RBPJ: variants seen among roughly 807,000 people sequenced by gnomAD.
The protein encoded by RBPJ is recombining binding protein suppressor of hairless.
RBPJ carries 9 observed loss-of-function variants against 67.8 expected under a neutral mutation model. The ratio of observed to expected loss-of-function variants is 0.13; its 90% CI spans 0.08 to 0.23. RBPJ has a LOEUF of 0.23. Among genes scored for constraint, RBPJ ranks in the 10% least tolerant of loss-of-function variants. RBPJ has a pLI of 1.00. For missense variants in RBPJ, 305 were observed against 595.6 expected (o/e 0.51, Z 5.08); for synonymous variants, 198 against 203.3 (o/e 0.97, Z 0.22).
chr4:26,259,023 C>G (rs984400793), intron 1 of RBPJ, among the ~76,000 whole-genome samples: 1 of 152,016 alleles, frequency 6.6e-6, no homozygotes, highest in African/African-American at 2.4e-5. Context: ...AGGATAGTCT[C>G]AACCTCCTGA....
At chr4:26,209,098 A>ATATATATAT (rs60595455) in intron 1 of RBPJ, among the ~76,000 whole-genome samples, 23 of 146,958 alleles carry the variant, frequency 1.6e-4, no homozygotes, top group African/African-American at 5.0e-4. Context: ...GAAGAAAAAA[A>ATATATATAT]ATATATATAT....
At chr4:26,320,587 A>C, upstream of RBPJ, 1 of 688,938 alleles carries the variant, frequency 1.5e-6, no homozygotes, top group African/African-American at 1.8e-5. Context: ...TGTTTCATCT[A>C]GGCCTGTGAA....
intron 1 of RBPJ, among the ~76,000 whole-genome samples, chr4:26,253,159 C>G (rs2048443): frequency 0.013 from 2,016 of 152,272 alleles, 57 homozygotes; most frequent in African/African-American, 0.046. Context: ...ATATCCTAAA[C>G]CGGGTAACCC....
At chr4:26,308,682 G>T (rs1722327227) in intron 1 of RBPJ, among the ~76,000 whole-genome samples, 1 of 152,198 alleles carries the variant, frequency 6.6e-6, no homozygotes, top group Non-Finnish European at 1.5e-5. Flanking sequence ...AAATAAACAG[G>T]TTCCAAAGTG....
intron 1 of RBPJ, among the ~76,000 whole-genome samples, chr4:26,174,198 C>T (rs1035298194): frequency 6.6e-6 from 1 of 152,168 alleles, no homozygotes; most frequent in Non-Finnish European, 1.5e-5. Context: ...TCAGACAGCT[C>T]GGGCTTGAAT....
At chr4:26,269,265 TA>T (rs1363279895) in intron 1 of RBPJ, among the ~76,000 whole-genome samples, 3 of 151,350 alleles carry the variant, frequency 2.0e-5, no homozygotes, top group African/African-American at 7.3e-5. Flanking sequence ...TTTATTTATT[TA>T]TTTTTTTGAC....
chr4:26,221,158 T>G (rs1309199545), intron 1 of RBPJ, among the ~76,000 whole-genome samples: 1 of 152,208 alleles, frequency 6.6e-6, no homozygotes, highest in Non-Finnish European at 1.5e-5. Flanking sequence ...TGGCGCGATC[T>G]CGGCTCACTG....
chr4:26,162,255 C>A (rs1284829568), upstream of RBPJ, among the ~76,000 whole-genome samples: 2 of 152,214 alleles, frequency 1.3e-5, no homozygotes, highest in Non-Finnish European at 2.9e-5. Context: ...GGACAGCCGA[C>A]CGTCTCACTT....
At chr4:26,215,363 GAAGGAAGGAAGAA>G (rs1283484092) in intron 1 of RBPJ, among the ~76,000 whole-genome samples, 3 of 101,246 alleles carry the variant, frequency 3.0e-5, no homozygotes, top group African/African-American at 4.1e-5. Context: ...AAGAAGGAAG[GAAGGAAGGAAGAA>G]GGGAGGGAGG....
intron 1 of RBPJ, among the ~76,000 whole-genome samples, chr4:26,196,657 T>C (rs1717775370): frequency 6.6e-6 from 1 of 152,208 alleles, no homozygotes; most frequent in Admixed American, 6.5e-5. Flanking sequence ...TCCACACTTC[T>C]TGATTTAGTA....
chr4:26,157,925 G>A, the RBPJ span, among the ~76,000 whole-genome samples: 832 of 152,266 alleles, frequency 5.5e-3, 11 homozygotes, highest in African/African-American at 0.018. Context: ...GGATGATCTA[G>A]CCTCAATTGA....
upstream of RBPJ, among the ~76,000 whole-genome samples, chr4:26,317,076 T>A (rs996943380): frequency 3.3e-5 from 5 of 151,484 alleles, no homozygotes; most frequent in African/African-American, 1.2e-4. Context: ...ATGAACAAAC[T>A]AGACAAAAGT....
intron 1 of RBPJ, among the ~76,000 whole-genome samples, chr4:26,234,723 C>T (rs545411174): frequency 6.6e-6 from 1 of 152,026 alleles, no homozygotes; most frequent in Non-Finnish European, 1.5e-5. Context: ...GATAGAGTCT[C>T]GCTCTGTCAC....
chr4:26,243,272 A>G (rs1011502209), intron 1 of RBPJ, among the ~76,000 whole-genome samples: 1 of 152,224 alleles, frequency 6.6e-6, no homozygotes, highest in African/African-American at 2.4e-5. Context: ...CACTCTATCA[A>G]CTGACAAACT....
In RBPJ at chr4:26,265,221, C is replaced by T. The variant is rs150154127; in HGVS notation, c.-166-97225C>T. Among the ~76,000 whole-genome samples, 427 of 152,146 alleles carry T rather than the reference C, an allele frequency of 2.8e-3. 4 individuals are homozygous for T. Among genetic ancestry groups the T allele is most frequent in the Middle Eastern group, 0.01 (3 of 294 alleles). ...TATAAAGTCTCTTAGATAATTTTTCCGAGCTGCCCTCTAAAGAGCGGATGA... is the reference window on the plus strand; with the variant it reads ...TATAAAGTCTCTTAGATAATTTTTCTGAGCTGCCCTCTAAAGAGCGGATGA... On this transcript the variant is annotated intron_variant, in intron 1 of 4. Coordinates refer to the RBPJ transcript ENST00000512351.
intron 3 of RBPJ, chr4:26,412,839 G>A (rs1734179437): frequency 6.6e-6 from 1 of 152,136 alleles, no homozygotes; most frequent in Non-Finnish European, 1.5e-5. Context: ...GTAGCTCCCA[G>A]CATTAGAAGC....
chr4:26,156,972 G>A, the RBPJ span, among the ~76,000 whole-genome samples: 1 of 151,706 alleles, frequency 6.6e-6, no homozygotes, highest in Non-Finnish European at 1.5e-5. Flanking sequence ...CTACTCAGGA[G>A]GCTGAGGTGA....
At position 26,430,881 on chromosome 4, in the gene RBPJ, A is replaced by G. The variant is rs1058613; in HGVS notation, c.1338A>G (p.Ala446=). ...GGCCACATTGCAGTGCAGCAGGAGC[A>G]ATCCTTCGAGCCAATTCAAGCCAGG... The part of the protein sequence containing the change: ...GPRPHCSAAG[A]ILRANSSQVP... Residue 446 remains alanine (A), a synonymous_variant, in exon 11 of 11, where the codon GCA becomes GCG. Coordinates refer to ENST00000355476, the MANE Select transcript of RBPJ (RefSeq NM_015874.6). The surrounding 1 kb of genome is among the most constrained non-coding windows in gnomAD (Gnocchi z 4.1). The G allele has an allele frequency of 3.7e-6, 6 of 1,613,954 alleles. No homozygotes were observed. The highest frequency in any genetic ancestry group is 3.3e-5 in the Admixed American group (2 of 59,998).
intron 1 of RBPJ, among the ~76,000 whole-genome samples, chr4:26,299,892 T>C (rs1426496383): frequency 6.6e-6 from 1 of 151,924 alleles, no homozygotes; most frequent in Non-Finnish European, 1.5e-5. Flanking sequence ...AGATTCACCA[T>C]GTTGGCAAAG....
Sources: allele counts gnomAD v4.1 joint callset (sites outside exome capture counted in the v4.1 genomes callset), GRCh38; gene constraint gnomAD v4.1.1; non-coding constraint Gnocchi (gnomAD v3.1); transcripts MANE v1.5; gene names NCBI Gene and HGNC (gene_info 2026-07-23, HGNC 2026-07-21).